The following TCF7L2 variants were observed in gnomAD, a reference collection of about 807,000 sequenced individuals.
TCF7L2 encodes transcription factor 7 like 2.
In TCF7L2, 23 loss-of-function variants were observed where a neutral mutation model predicts 77.9. The ratio of observed to expected loss-of-function variants is 0.30; its 90% CI spans 0.21 to 0.42. The LOEUF is 0.42. Among genes scored for constraint, TCF7L2 ranks in the 10% least tolerant of loss-of-function variants. TCF7L2 has a pLI of 1.00. For missense variants in TCF7L2, 654 were observed against 793.1 expected (o/e 0.82, Z 2.11); for synonymous variants, 413 against 340.2 (o/e 1.21, Z -2.36).
At chr10:113,054,778 T>C (rs2055077181) in intron 5 of TCF7L2, among the ~76,000 whole-genome samples, 1 of 152,166 alleles carries the variant, frequency 6.6e-6, no homozygotes. Flanking sequence ...TAAATAATCT[T>C]AGTAGTTTTT....
chr10:112,961,494 G>C (rs769499953), intron 3 of TCF7L2, among the ~76,000 whole-genome samples: 2 of 152,004 alleles, frequency 1.3e-5, no homozygotes, highest in African/African-American at 2.4e-5. Flanking sequence ...CTGGGTGTTT[G>C]TATTTTTTAT....
intron 5 of TCF7L2, among the ~76,000 whole-genome samples, chr10:113,044,661 C>G (rs2053109371): frequency 6.6e-6 from 1 of 152,080 alleles, no homozygotes; most frequent in Non-Finnish European, 1.5e-5. Flanking sequence ...CTGGGCGGCT[C>G]CCTGAGGAAA....
intron 4 of TCF7L2, among the ~76,000 whole-genome samples, chr10:112,980,434 T>G (rs2040255637): frequency 6.6e-6 from 1 of 152,136 alleles, no homozygotes; most frequent in Admixed American, 6.5e-5. Context: ...GATACAGAAA[T>G]GAAATGGTGA....
rs150700151 is a variant in TCF7L2, at chr10:113,071,386, T to C, written c.552+31260T>C. 2.0e-3 allele frequency among the ~76,000 whole-genome samples: 304 copies of C among 152,096 alleles called. 1 individual carries two copies. In the Middle Eastern group the frequency reaches 0.02, roughly 10 times the overall value. On this transcript the variant is annotated intron_variant, in intron 5 of 13. Coordinates refer to ENST00000627217, the MANE Select transcript of TCF7L2 (RefSeq NM_001146274.2). ...CATGGGAGAGTTTTTGCTTTGAGGG[T>C]CCACTGGAGCAAGAGAAGCTTGAGA...
intron 4 of TCF7L2, among the ~76,000 whole-genome samples, chr10:112,991,306 G>A: frequency 6.6e-6 from 1 of 151,988 alleles, no homozygotes; most frequent in East Asian, 1.9e-4. Flanking sequence ...GAGGCGGGCG[G>A]ATCACAAGGT....
At chr10:113,147,670 G>A (rs976244530) in intron 8 of TCF7L2, among the ~76,000 whole-genome samples, 4 of 152,192 alleles carry the variant, frequency 2.6e-5, no homozygotes, top group African/African-American at 9.6e-5. Context: ...TAGTGTAGCA[G>A]CTTATACTCC....
intron 4 of TCF7L2, among the ~76,000 whole-genome samples, chr10:113,037,163 A>G (rs1230144002): frequency 6.6e-6 from 1 of 152,240 alleles, no homozygotes; most frequent in Non-Finnish European, 1.5e-5. Context: ...GAAACCCATC[A>G]CTTTTGGAGA....
chr10:113,106,670 A>G (rs1163805671), intron 5 of TCF7L2, among the ~76,000 whole-genome samples: 1 of 152,226 alleles, frequency 6.6e-6, no homozygotes, highest in Non-Finnish European at 1.5e-5. Flanking sequence ...GATACATAAA[A>G]AACACTGAAA....
intron 5 of TCF7L2, chr10:113,129,208 C>A: frequency 1.7e-6 from 1 of 598,692 alleles, no homozygotes; most frequent in Non-Finnish European, 2.1e-6. Flanking sequence ...TTCCTCCTCC[C>A]TCCCCTCTCC....
At chr10:112,983,071 G>A (rs567706411) in intron 4 of TCF7L2, among the ~76,000 whole-genome samples, 11 of 152,058 alleles carry the variant, frequency 7.2e-5, no homozygotes, top group Admixed American at 3.3e-4. Context: ...ATTAGTGACA[G>A]CAAGGCAGGA....
rs375473698 is a variant in TCF7L2, at chr10:113,165,925, G to C, written c.1762G>C (p.Gly588Arg). ...CTTACATTCCCACAGCTCCCTGGCCGGGACCCAGCCCCAGCCGCTGTCGCT... is the reference window on the plus strand; with the variant it reads ...CTTACATTCCCACAGCTCCCTGGCCCGGACCCAGCCCCAGCCGCTGTCGCT... The change falls in exon 14 of 14, where the codon GGG (glycine) becomes CGG (arginine). Residue 588 changes from glycine to arginine, a missense_variant. This residue lies in a region of TCF7L2 where 272 missense variants were observed against 215.4 expected (regional missense o/e 1.26). Transcript: ENST00000627217. The C allele has an allele frequency of 6.4e-7, 1 of 1,567,114 alleles. No homozygotes were observed. The highest frequency in any genetic ancestry group is 8.7e-7 in the Non-Finnish European group (1 of 1,154,344).
intron 4 of TCF7L2, among the ~76,000 whole-genome samples, chr10:113,037,360 A>G (rs368382355): frequency 3.9e-5 from 6 of 152,304 alleles, no homozygotes; most frequent in African/African-American, 1.4e-4. Flanking sequence ...CCTGCAAGTC[A>G]GCAGGACCAG....
At chr10:113,139,754 C>T (rs1434759830) in intron 5 of TCF7L2, among the ~76,000 whole-genome samples, 2 of 151,354 alleles carry the variant, frequency 1.3e-5, no homozygotes, top group East Asian at 1.9e-4. Context: ...ACACTTTCCC[C>T]TCAATTACCT....
chr10:112,991,467 C>A (rs2042525420), intron 4 of TCF7L2, among the ~76,000 whole-genome samples: 1 of 150,992 alleles, frequency 6.6e-6, no homozygotes, highest in Non-Finnish European at 1.5e-5. Flanking sequence ...GAGATCGCCC[C>A]ACTGCACTCC....
chr10:113,147,460 C>T (rs2069709772), intron 8 of TCF7L2, among the ~76,000 whole-genome samples: 1 of 152,140 alleles, frequency 6.6e-6, no homozygotes, highest in Non-Finnish European at 1.5e-5. Context: ...CCATTTTCTA[C>T]CTGCGATATA....
At chr10:113,097,117 C>T (rs2061072720) in intron 5 of TCF7L2, among the ~76,000 whole-genome samples, 1 of 151,948 alleles carries the variant, frequency 6.6e-6, no homozygotes, top group Admixed American at 6.5e-5. Flanking sequence ...GGGAGGGGTC[C>T]TGCACACTCT....
At chr10:113,027,293 G>C (rs567812188) in intron 4 of TCF7L2, among the ~76,000 whole-genome samples, 1 of 152,070 alleles carries the variant, frequency 6.6e-6, no homozygotes, top group Admixed American at 6.5e-5. Flanking sequence ...AATTTGATTT[G>C]GTGTCTGGGT....
chr10:113,127,124 A>C (rs1163188661), intron 5 of TCF7L2: 2 of 176,988 alleles, frequency 1.1e-5, no homozygotes, highest in African/African-American at 4.8e-5. Flanking sequence ...AAAACAAAAC[A>C]AAAAAAACGA....
chr10:113,003,826 GT>G (rs2044973458), intron 4 of TCF7L2, among the ~76,000 whole-genome samples: 1 of 152,222 alleles, frequency 6.6e-6, no homozygotes, highest in South Asian at 2.1e-4. Context: ...CCCTGAGATG[GT>G]GTAGGCCACC....
Sources: gnomAD v4.1 joint callset for allele counts (sites outside exome capture counted in the v4.1 genomes callset) on GRCh38, gnomAD v4.1.1 for gene constraint, gnomAD v4.1.1 regional missense constraint, MANE v1.5 for transcripts, NCBI Gene and HGNC (gene_info 2026-07-23, HGNC 2026-07-21) for gene names.